The following KANSL1 variants were observed in gnomAD, a reference collection of about 807,000 sequenced individuals.
KANSL1 encodes the protein KAT8 regulatory NSL complex subunit 1.
In KANSL1, 22 loss-of-function variants were observed where a neutral mutation model predicts 103.6. That is an observed-to-expected ratio of 0.21 (90% confidence interval 0.15 to 0.30). The LOEUF (loss-of-function observed/expected upper bound fraction) is 0.30. KANSL1 is among the 10% of genes least tolerant of loss of function. The pLI, the probability that KANSL1 is intolerant of heterozygous loss-of-function variation, is 1.00. For synonymous variants in KANSL1, 600 were observed against 527.6 expected (o/e 1.14, Z -1.88); for missense variants, 1,337 against 1,399.8 (o/e 0.96, Z 0.72).
At chr17:46,214,840 CCTTACCA>C (rs1339755159) in intron 1 of KANSL1, among the ~76,000 whole-genome samples, 29 of 152,214 alleles carry the variant, frequency 1.9e-4, no homozygotes, top group Non-Finnish European at 4.1e-4. Context: ...GAGATTGTCC[CCTTACCA>C]CCTTTGACAG....
chr17:46,194,417 T>G (rs73984697), upstream of KANSL1, among the ~76,000 whole-genome samples: 182 of 152,382 alleles, frequency 1.2e-3, no homozygotes, highest in African/African-American at 4.1e-3. Flanking sequence ...GGTGGCACCT[T>G]ATCATTTCTC....
intron 3 of KANSL1, among the ~76,000 whole-genome samples, chr17:46,082,761 T>C (rs527910531): frequency 2.6e-5 from 4 of 152,284 alleles, no homozygotes; most frequent in Admixed American, 6.5e-5. Context: ...TTGACTGCTC[T>C]GACCTACATG....
At chr17:46,092,126 C>T (rs776050130) in intron 3 of KANSL1, among the ~76,000 whole-genome samples, 5 of 152,326 alleles carry the variant, frequency 3.3e-5, no homozygotes, top group Non-Finnish European at 2.9e-5. Flanking sequence ...TGAGCCACTG[C>T]GCACGGCCCT....
At chr17:46,186,509 G>A (rs1429482998) in intron 1 of KANSL1, among the ~76,000 whole-genome samples, 1 of 152,080 alleles carries the variant, frequency 6.6e-6, no homozygotes, top group South Asian at 2.1e-4. Flanking sequence ...ACTTTTAAAA[G>A]TACATTTTTC....
upstream of KANSL1, among the ~76,000 whole-genome samples, chr17:46,224,215 TAA>T (rs1208620559): frequency 6.6e-6 from 1 of 152,260 alleles, no homozygotes; most frequent in Non-Finnish European, 1.5e-5. Context: ...AGATTATGCT[TAA>T]GTTTCAGAGT....
At chr17:46,176,080 G>A (rs1319827781) in intron 1 of KANSL1, among the ~76,000 whole-genome samples, 1 of 152,208 alleles carries the variant, frequency 6.6e-6, no homozygotes, top group Non-Finnish European at 1.5e-5. Flanking sequence ...AGCAATGCAA[G>A]GAGGCATATT....
intron 2 of KANSL1, among the ~76,000 whole-genome samples, chr17:46,157,652 C>A (rs922144258): frequency 6.6e-6 from 1 of 152,238 alleles, no homozygotes; most frequent in Non-Finnish European, 1.5e-5. Context: ...TTGCACTAAG[C>A]AAACCGCCTG....
chr17:46,225,283 G>C (rs1410615865), upstream of KANSL1: 1 of 152,466 alleles, frequency 6.6e-6, no homozygotes, highest in Non-Finnish European at 1.5e-5. Context: ...TGGCCCACTC[G>C]TGCCCCCACC....
chr17:46,155,251 G>A (rs868566184), intron 2 of KANSL1, among the ~76,000 whole-genome samples: 52 of 146,858 alleles, frequency 3.5e-4, no homozygotes, highest in Middle Eastern at 4.0e-3. Flanking sequence ...TCCACCTCCC[G>A]GGTTCAAGCG....
chr17:46,105,906 G>GAGACACACACACACACACACACACAC (rs778730504), intron 2 of KANSL1, among the ~76,000 whole-genome samples: 21 of 95,216 alleles, frequency 2.2e-4, no homozygotes, highest in African/African-American at 9.1e-4. Flanking sequence ...GCAAGGCCTT[G>GAGACACACACACACACACACACACAC]ACACACACAC....
intron 1 of KANSL1, among the ~76,000 whole-genome samples, chr17:46,208,109 C>CAA (rs535893493): frequency 1.5e-5 from 2 of 130,770 alleles, no homozygotes; most frequent in African/African-American, 3.0e-5. Flanking sequence ...AAATCCGTCT[C>CAA]AAAAAAAAAA....
intron 2 of KANSL1, among the ~76,000 whole-genome samples, chr17:46,122,289 G>A (rs979391939): frequency 5.3e-5 from 8 of 152,184 alleles, no homozygotes; most frequent in Non-Finnish European, 8.8e-5. Flanking sequence ...TGCTGCCTTC[G>A]GGATGTCCCC....
intron 10 of KANSL1, among the ~76,000 whole-genome samples, chr17:46,036,562 G>T (rs1224293244): frequency 6.6e-6 from 1 of 152,064 alleles, no homozygotes; most frequent in Non-Finnish European, 1.5e-5. Flanking sequence ...AAAGTATATG[G>T]GATTTAAAGC....
At chr17:46,071,100 C>T (rs925995890) in intron 4 of KANSL1, among the ~76,000 whole-genome samples, 2 of 152,176 alleles carry the variant, frequency 1.3e-5, no homozygotes, top group Admixed American at 1.3e-4. Flanking sequence ...TATTTAAATG[C>T]TATTCAGCTT....
intron 4 of KANSL1, among the ~76,000 whole-genome samples, chr17:46,077,037 A>G (rs2078801478): frequency 6.6e-6 from 1 of 152,152 alleles, no homozygotes; most frequent in African/African-American, 2.4e-5. Context: ...ATATTGCATT[A>G]GCCAAGACAG....
intron 2 of KANSL1, among the ~76,000 whole-genome samples, chr17:46,164,634 T>A (rs1327815816): frequency 6.6e-6 from 1 of 152,252 alleles, no homozygotes; most frequent in African/African-American, 2.4e-5. Context: ...AACCAAAGCT[T>A]TAAGTCACAA....
chr17:46,152,591 G>GC (rs2045178171), intron 2 of KANSL1, among the ~76,000 whole-genome samples: 1 of 141,802 alleles, frequency 7.1e-6, no homozygotes, highest in Non-Finnish European at 1.5e-5. Flanking sequence ...AAGGGGGGGG[G>GC]GGGATTTCAG....
In KANSL1 at chr17:46,038,634, G is replaced by A. The variant is rs751168223; in HGVS notation, c.2445C>T (p.His815=). 1.9e-6 allele frequency: 3 copies of A among 1,614,234 alleles called. No individual in the cohort carries two copies. Among genetic ancestry groups the A allele is most frequent in the Non-Finnish European group, 2.5e-6 (3 of 1,180,044 alleles). ...MSSSSYLAAT[H]HPPHSPLVRQ... ...GCACCAAGGGACTGTGTGGAGGATGGTGGGTGGCTGCCAAGTAGCTCGAAC... is the reference window on the plus strand; with the variant it reads ...GCACCAAGGGACTGTGTGGAGGATGATGGGTGGCTGCCAAGTAGCTCGAAC... The change falls in exon 10 of 15, where the codon CAC becomes CAT. Residue 815 remains histidine (H), a synonymous_variant. Transcript: ENST00000432791.
chr17:46,139,681 T>C (rs1164987437), intron 2 of KANSL1, among the ~76,000 whole-genome samples: 1 of 152,214 alleles, frequency 6.6e-6, no homozygotes, highest in Non-Finnish European at 1.5e-5. Context: ...TGTAAAAATG[T>C]GAAGGATTAT....
Sources: allele counts gnomAD v4.1 joint callset (sites outside exome capture counted in the v4.1 genomes callset), GRCh38; gene constraint gnomAD v4.1.1; transcripts MANE v1.5; gene names NCBI Gene and HGNC (gene_info 2026-07-23, HGNC 2026-07-21).